Variants in GPHN observed in about 807,000 individuals in gnomAD.
GPHN encodes gephyrin.
GPHN carries 17 observed loss-of-function variants against 95.5 expected under a neutral mutation model. The ratio of observed to expected loss-of-function variants is 0.18; its 90% CI spans 0.12 to 0.27. The LOEUF (loss-of-function observed/expected upper bound fraction) is 0.27. Ranked by LOEUF, GPHN falls within the 10% of genes least tolerant of loss-of-function variation. The pLI, the probability that GPHN is intolerant of heterozygous loss-of-function variation, is 1.00. For synonymous variants in GPHN, 320 were observed against 322.5 expected (o/e 0.99, Z 0.08); for missense variants, 660 against 978.1 (o/e 0.67, Z 4.34).
At chr14:67,402,738 T>C in the GPHN span, among the ~76,000 whole-genome samples, 4 of 152,168 alleles carry the variant, frequency 2.6e-5, no homozygotes, top group African/African-American at 4.8e-5. Context: ...TCCATCCACA[T>C]TGTTGCAAAT....
chr14:67,324,353 C>G, the GPHN span, among the ~76,000 whole-genome samples: 30 of 152,100 alleles, frequency 2.0e-4, no homozygotes, highest in African/African-American at 6.0e-4. Context: ...ACAGCATTGA[C>G]TTTTTATTTA....
the GPHN span, among the ~76,000 whole-genome samples, chr14:67,283,879 T>A: frequency 2.0e-5 from 3 of 152,238 alleles, no homozygotes; most frequent in African/African-American, 7.2e-5. Context: ...TTAAAACTTA[T>A]TTCTGCCTGC....
chr14:67,033,177 A>T (rs192615085), intron 10 of GPHN, among the ~76,000 whole-genome samples: 1 of 152,328 alleles, frequency 6.6e-6, no homozygotes, highest in Non-Finnish European at 1.5e-5. Context: ...TTGACCAATC[A>T]GAAGAGATCA....
At chr14:67,653,305 G>C in the GPHN span, 1 of 652,772 alleles carries the variant, frequency 1.5e-6, no homozygotes, top group East Asian at 2.7e-5. Flanking sequence ...TCTGCTGGGT[G>C]GTACTGAGTA....
the GPHN span, among the ~76,000 whole-genome samples, chr14:67,641,705 T>A: frequency 1.3e-5 from 2 of 152,158 alleles, no homozygotes; most frequent in African/African-American, 4.8e-5. Context: ...TTTGGGAGGA[T>A]GAGGCGGGAG....
At chr14:67,248,816 A>G in the GPHN span, among the ~76,000 whole-genome samples, 1 of 151,860 alleles carries the variant, frequency 6.6e-6, no homozygotes, top group Admixed American at 6.6e-5. Context: ...TTTACATACC[A>G]ACATTTTTAT....
the GPHN span, among the ~76,000 whole-genome samples, chr14:67,502,113 A>T: frequency 6.6e-6 from 1 of 152,164 alleles, no homozygotes; most frequent in African/African-American, 2.4e-5. Context: ...TGGGTGGATC[A>T]CCTGAGGTCG....
chr14:66,559,709 A>G (rs1032254358), intron 1 of GPHN, among the ~76,000 whole-genome samples: 5 of 151,618 alleles, frequency 3.3e-5, no homozygotes, highest in East Asian at 1.9e-4. Context: ...CTCTGATGGT[A>G]GTTTCTTTTG....
At chr14:67,165,759 C>T (rs2082240742) in intron 20 of GPHN, among the ~76,000 whole-genome samples, 1 of 152,160 alleles carries the variant, frequency 6.6e-6, no homozygotes, top group Non-Finnish European at 1.5e-5. Flanking sequence ...CAGCCAAATC[C>T]TACTCATCAT....
At chr14:67,721,208 G>T in the GPHN span, among the ~76,000 whole-genome samples, 1 of 152,124 alleles carries the variant, frequency 6.6e-6, no homozygotes, top group Non-Finnish European at 1.5e-5. Context: ...TATTCCTGGG[G>T]TCCTGTCCCA....
intron 4 of GPHN, among the ~76,000 whole-genome samples, chr14:66,877,533 A>G (rs1229466835): frequency 6.6e-6 from 1 of 152,224 alleles, no homozygotes; most frequent in African/African-American, 2.4e-5. Context: ...AAACTTCAGC[A>G]AAGTCTCAGG....
the GPHN span, among the ~76,000 whole-genome samples, chr14:67,439,675 A>G: frequency 2.0e-5 from 3 of 151,996 alleles, no homozygotes; most frequent in African/African-American, 4.8e-5. Flanking sequence ...ACCTGTCTAC[A>G]GTGATGTTTT....
At chr14:66,950,298 C>G (rs996919111) in intron 8 of GPHN, among the ~76,000 whole-genome samples, 1 of 152,152 alleles carries the variant, frequency 6.6e-6, no homozygotes, top group Non-Finnish European at 1.5e-5. Context: ...ACAAATTCTA[C>G]TTGCTCAAGG....
intron 3 of GPHN, among the ~76,000 whole-genome samples, chr14:66,806,117 C>A (rs2060531578): frequency 6.6e-6 from 1 of 152,196 alleles, no homozygotes; most frequent in Non-Finnish European, 1.5e-5. Flanking sequence ...TGTTCACTCG[C>A]AAGCTCAATA....
chr14:67,611,430 T>G, the GPHN span, among the ~76,000 whole-genome samples: 4 of 150,284 alleles, frequency 2.7e-5, no homozygotes, highest in African/African-American at 9.8e-5. Context: ...ATTTTTTGGT[T>G]TTTTTTTTGT....
chr14:67,398,277 T>C, the GPHN span, among the ~76,000 whole-genome samples: 1 of 152,102 alleles, frequency 6.6e-6, no homozygotes, highest in East Asian at 1.9e-4. Flanking sequence ...CAGGCTGGAG[T>C]ACAGTGGCAT....
intron 11 of GPHN, among the ~76,000 whole-genome samples, chr14:67,075,075 G>A (rs2076445266): frequency 6.6e-6 from 1 of 152,176 alleles, no homozygotes; most frequent in East Asian, 1.9e-4. Flanking sequence ...CATTGCTATA[G>A]AGGAAAAATT....
chr14:66,821,839 T>G (rs2061204989), intron 3 of GPHN, among the ~76,000 whole-genome samples: 1 of 152,220 alleles, frequency 6.6e-6, no homozygotes, highest in Non-Finnish European at 1.5e-5. Flanking sequence ...TCTTAATTGC[T>G]CTCAAGATAA....
the GPHN span, among the ~76,000 whole-genome samples, chr14:67,308,140 T>A: frequency 2.0e-5 from 3 of 151,760 alleles, no homozygotes; most frequent in Non-Finnish European, 2.9e-5. Flanking sequence ...CTAGGCTTAA[T>A]ACCTGGGTGA....
Sources: allele counts gnomAD v4.1 joint callset (sites outside exome capture counted in the v4.1 genomes callset), GRCh38; gene constraint gnomAD v4.1.1; transcripts MANE v1.5; gene names NCBI Gene and HGNC (gene_info 2026-07-23, HGNC 2026-07-21).